Variants in PTPRN2 observed in about 807,000 individuals in gnomAD.
PTPRN2 encodes the protein receptor-type tyrosine-protein phosphatase N2.
In PTPRN2, 74 loss-of-function variants were observed where a neutral mutation model predicts 118.8. That is an observed-to-expected ratio of 0.62 (90% confidence interval 0.52 to 0.76). PTPRN2 has a LOEUF of 0.76. Among genes scored for constraint, PTPRN2 ranks in the 30% least tolerant of loss-of-function variants. The probability of loss-of-function intolerance (pLI) is 0.00; values close to 1 mark genes in which losing one functional copy is unlikely to be tolerated. For missense variants in PTPRN2, 1,481 were observed against 1,394.4 expected (o/e 1.06, Z -0.99); for synonymous variants, 641 against 608.0 (o/e 1.05, Z -0.80).
chr7:158,145,517 G>A lies in PTPRN2; in HGVS notation c.911-7002C>T, dbSNP rs554544987. Among the ~76,000 whole-genome samples, 4 of 152,352 alleles carry A rather than the reference G, an allele frequency of 2.6e-5. No homozygotes were observed. In the East Asian group the frequency reaches 7.7e-4, roughly 29 times the overall value. On this transcript the variant is annotated intron_variant, in intron 6 of 22. Coordinates refer to ENST00000389418, the MANE Select transcript of PTPRN2 (RefSeq NM_002847.5). ...GGCAGGCATCCACCCTTGAGAAACT[G>A]AGGCTCCATGGTGGACCAGGAAGGG...
chr7:158,366,624 G>C (rs533445645), intron 2 of PTPRN2, among the ~76,000 whole-genome samples: 7 of 152,202 alleles, frequency 4.6e-5, no homozygotes, highest in Non-Finnish European at 1.0e-4. Context: ...TCCATCCACC[G>C]AGACATACAC....
intron 11 of PTPRN2, among the ~76,000 whole-genome samples, chr7:158,065,327 T>G (rs1434205561): frequency 6.6e-6 from 1 of 152,240 alleles, no homozygotes; most frequent in Admixed American, 6.5e-5. Context: ...GCACCCTTCA[T>G]GAAAACCAAG....
chr7:158,456,794 A>C (rs1398463843), intron 2 of PTPRN2, among the ~76,000 whole-genome samples: 1 of 152,118 alleles, frequency 6.6e-6, no homozygotes, highest in Admixed American at 6.6e-5. Flanking sequence ...TATTTAGGGG[A>C]GACGGGGTCT....
intron 11 of PTPRN2, among the ~76,000 whole-genome samples, chr7:158,047,786 T>C (rs1423486826): frequency 6.6e-6 from 1 of 152,036 alleles, no homozygotes; most frequent in Non-Finnish European, 1.5e-5. Context: ...TGAGGCTGGG[T>C]TGCACAGCAA....
intron 15 of PTPRN2, among the ~76,000 whole-genome samples, chr7:157,604,447 GT>G (rs1350344646): frequency 6.6e-6 from 1 of 152,208 alleles, no homozygotes; most frequent in African/African-American, 2.4e-5. Context: ...ATATCCTGGT[GT>G]TTTCCCCCAC....
intron 11 of PTPRN2, among the ~76,000 whole-genome samples, chr7:157,951,800 T>C (rs1322505140): frequency 6.6e-6 from 1 of 152,216 alleles, no homozygotes; most frequent in Non-Finnish European, 1.5e-5. Flanking sequence ...TCTGATTTGT[T>C]TGTCCTCTGA....
rs1381323968 is a variant in PTPRN2 at position 157,763,187 on chromosome 7, A to G, written c.1789-80250T>C. On this transcript the variant is annotated intron_variant, in intron 12 of 22. Transcript: ENST00000389418. The surrounding 1 kb of genome is among the most constrained non-coding windows in gnomAD (Gnocchi z 4.9). ...CTGCCCACTCACAGGCACAGAGTCC[A>G]TCCCAGGCCACAGTGGGAAGGAGAG... Among the ~76,000 whole-genome samples the G allele has an allele frequency of 6.6e-6, 1 of 152,250 alleles. No homozygotes were observed. The highest frequency in any genetic ancestry group is 2.4e-5 in the African/African-American group (1 of 41,484).
chr7:157,850,607 T>C (rs377567597), intron 12 of PTPRN2, among the ~76,000 whole-genome samples: 2 of 152,192 alleles, frequency 1.3e-5, no homozygotes, highest in South Asian at 2.1e-4. Context: ...CAGACTAACT[T>C]ATTCAGCTCC....
intron 11 of PTPRN2, among the ~76,000 whole-genome samples, chr7:157,956,427 T>G (rs1801191685): frequency 1.3e-5 from 2 of 152,246 alleles, no homozygotes; most frequent in Admixed American, 1.3e-4. Context: ...TCTGTGACTC[T>G]ACCAGAAGAG....
chr7:158,110,864 G>A lies in PTPRN2; in HGVS notation c.1608C>T (p.Leu536=), dbSNP rs761416498. ...CGAACGCACTGCTGGGCACCTGCAGGAGGCGGGCGACGTCCTCCACCAGCC... is the reference window on the plus strand; with the variant it reads ...CGAACGCACTGCTGGGCACCTGCAGAAGGCGGGCGACGTCCTCCACCAGCC... ...GRRLVEDVAR[L]LQVPSSAFAD... Residue 536 remains leucine, a synonymous_variant, in exon 10 of 23, where the codon CTC becomes CTT. Transcript: ENST00000389418. 3.2e-5 allele frequency: 51 copies of A among 1,588,940 alleles called. No individual in the cohort carries two copies. The Middle Eastern group carries it at 5.0e-4, about 15-fold the overall frequency.
rs139302600 is a variant in PTPRN2, at chr7:158,150,781, G to A, written c.911-12266C>T. ...AGACGCTGCGTATCTGCAGCACCGC[G>A]ACCCAGCACTCCTCTCCCTCCGTGT... On this transcript the variant is annotated intron_variant, in intron 6 of 22. Transcript: ENST00000389418. Among the ~76,000 whole-genome samples the A allele has an allele frequency of 4.7e-3, 716 of 151,684 alleles. 2 individuals are homozygous for A. Among genetic ancestry groups the A allele is most frequent in the South Asian group, 9.0e-3 (43 of 4,764 alleles).
At chr7:157,825,050 A>T (rs1379375367) in intron 12 of PTPRN2, among the ~76,000 whole-genome samples, 1 of 152,136 alleles carries the variant, frequency 6.6e-6, no homozygotes, top group African/African-American at 2.4e-5. Flanking sequence ...GCAAACGAGG[A>T]TTCTTCACCA....
chr7:158,316,867 C>T lies in PTPRN2; in HGVS notation c.229G>A (p.Val77Met), dbSNP rs541932481. The change falls in exon 3 of 23, where the codon GTG becomes ATG. Residue 77 changes from valine (V) to methionine (M), a missense_variant. Around this residue, in one of 3 missense-constraint regions of PTPRN2, gnomAD observed 1,115 missense variants for 994.2 expected, o/e 1.12. Transcript: ENST00000389418. ...GCCACGCGCAGGCGCTGCAGGGCCA[C>T]GGGCGACACCTCGTAGCGGTAAAAG... ...MDFYRYEVSP[V>M]ALQRLRVALQ... The T allele has an allele frequency of 1.4e-4, 226 of 1,611,638 alleles. 1 individual carries two copies. The South Asian group carries it at 1.9e-3, about 13-fold the overall frequency.
chr7:158,350,602 T>C (rs549071245), intron 2 of PTPRN2, among the ~76,000 whole-genome samples: 1 of 152,320 alleles, frequency 6.6e-6, no homozygotes, highest in South Asian at 2.1e-4. Flanking sequence ...CCATTGGATC[T>C]CAGGGCTGCC....
intron 3 of PTPRN2, among the ~76,000 whole-genome samples, chr7:158,255,338 C>T (rs946273741): frequency 3.9e-5 from 6 of 152,152 alleles, no homozygotes; most frequent in Non-Finnish European, 5.9e-5. Context: ...CTCCAGGGGC[C>T]GGGCTCTGGA....
At chr7:157,940,878 GC>G (rs1241852092) in intron 11 of PTPRN2, among the ~76,000 whole-genome samples, 66 of 4,204 alleles carry the variant, frequency 0.016, 1 homozygote, top group Non-Finnish European at 0.022. Context: ...CAAATCTAAC[GC>G]CCCCCCATGA....
In PTPRN2 at chr7:157,990,654, C is replaced by T. The variant is rs574633812; in HGVS notation, c.1723+90644G>A. Among the ~76,000 whole-genome samples the T allele has an allele frequency of 2.0e-5, 3 of 152,296 alleles. No homozygotes were observed. The highest frequency in any genetic ancestry group is 2.0e-4 in the Admixed American group (3 of 15,300). On this transcript the variant is annotated intron_variant, in intron 11 of 22. Coordinates refer to ENST00000389418, the MANE Select transcript of PTPRN2 (RefSeq NM_002847.5). The surrounding 1 kb of genome is among the most constrained non-coding windows in gnomAD (Gnocchi z 4.3). Reference sequence around the variant, plus strand: ...GGTGCTGACAGTAGGACATGCTGGTCCCCTTCCCAGTGAAGTCCCAGGAAA... The same window carrying T: ...GGTGCTGACAGTAGGACATGCTGGTTCCCTTCCCAGTGAAGTCCCAGGAAA...
intron 11 of PTPRN2, among the ~76,000 whole-genome samples, chr7:157,994,718 C>T (rs111905729): frequency 1.6e-3 from 79 of 48,258 alleles, no homozygotes; most frequent in African/African-American, 8.4e-3. Flanking sequence ...CTAAAATCAA[C>T]GCCGTGTCCC....
intron 9 of PTPRN2, among the ~76,000 whole-genome samples, chr7:158,121,782 C>T (rs192523512): frequency 7.6e-4 from 115 of 152,314 alleles, no homozygotes; most frequent in South Asian, 3.1e-3. Context: ...ACAAAGTGTA[C>T]GGGACGTGCA....
Sources: gnomAD v4.1 joint callset for allele counts (sites outside exome capture counted in the v4.1 genomes callset) on GRCh38, gnomAD v4.1.1 for gene constraint, gnomAD v4.1.1 regional missense constraint, Gnocchi (gnomAD v3.1) non-coding constraint, MANE v1.5 for transcripts, NCBI Gene and HGNC (gene_info 2026-07-23, HGNC 2026-07-21) for gene names.